The following IZUMO1 variants were observed in gnomAD, a reference collection of about 807,000 sequenced individuals.
The protein encoded by IZUMO1 is izumo sperm-oocyte fusion 1, also known as izumo sperm-egg fusion protein 1.
In IZUMO1, 44 loss-of-function variants were observed where a neutral mutation model predicts 40.7. The ratio of observed to expected loss-of-function variants is 1.08; its 90% CI spans 0.85 to 1.39. The LOEUF is 1.39. IZUMO1 is among the 40% of genes most tolerant of loss of function. The pLI is 0.00. For missense variants in IZUMO1, 368 were observed against 436.9 expected, an observed-to-expected ratio of 0.84 and a Z score of 1.41; for synonymous variants, 149 against 170.9, an observed-to-expected ratio of 0.87 and a Z score of 1.00.
At chr19:48,745,432 A>AGT in intron 2 of IZUMO1, 144 bp from the exon 3 acceptor site, 1 of 1,009,350 alleles carries the variant, frequency 9.9e-7, no homozygotes, top group Non-Finnish European at 1.5e-6. Flanking sequence ...TGGGAGTTGT[A>AGT]GTTTTATTAC....
At chr19:48,743,713 C>A (rs1252556049) in intron 5 of IZUMO1, 188 bp from the exon 6 acceptor site, 1 of 606,714 alleles carries the variant, frequency 1.6e-6, no homozygotes. Context: ...TAAGTAGAGG[C>A]CGGATGCGGT....
rs1237298848 is a variant in IZUMO1, at chr19:48,741,990, TGGG to T, written c.601-51_601-49del. ...ACTGAGGCCTGAGGAATTCAGGGGT[TGGG>T]GGAGTACAGGGGTGAGAAGATCACA... is the stretch of plus-strand genomic sequence containing the variant. On this transcript the variant is annotated intron_variant, in intron 7 of 9. Coordinates refer to ENST00000332955, the MANE Select transcript of IZUMO1 (RefSeq NM_182575.3). The surrounding 1 kb of genome is among the most constrained non-coding windows in gnomAD (Gnocchi z 4.4). 6.4e-7 allele frequency: 1 copy of T among 1,555,498 alleles called. No individual in the cohort carries two copies. Among genetic ancestry groups the T allele is most frequent in the Admixed American group, 1.9e-5 (1 of 53,270 alleles).
intron 1 of IZUMO1, chr19:48,746,191 C>T: frequency 2.6e-6 from 3 of 1,147,684 alleles, no homozygotes; most frequent in Non-Finnish European, 3.2e-6. Context: ...AACTCAGAAC[C>T]TGGAATCTCC....
At position 48,745,874 on chromosome 19, in the gene IZUMO1, A is replaced by C. The variant is rs1490417499; in HGVS notation, c.-15T>G. On this transcript the variant is annotated 5_prime_UTR_variant, in exon 2 of 10. Transcript: ENST00000332955. ...TGCGGCCCCATTGCAGCCGGCGCGC[A>C]CAGTTCCCGAAGACCGTTAGGAAGG... is the stretch of plus-strand genomic sequence containing the variant. The C allele has an allele frequency of 1.9e-6, 3 of 1,613,786 alleles. No individual in the cohort carries two copies. In the African/African-American group the frequency reaches 4.0e-5, roughly 22 times the overall value.
In IZUMO1 at chr19:48,744,155, C is replaced by A; in HGVS notation, c.418+20G>T. 2 of 1,611,866 alleles carry A rather than the reference C, an allele frequency of 1.2e-6. No homozygotes were observed. The highest frequency in any genetic ancestry group is 1.7e-6 in the Non-Finnish European group (2 of 1,178,012). On this transcript the variant is annotated intron_variant, in intron 5 of 9. Transcript: ENST00000332955. Reference sequence around the variant, plus strand: ...ATTCAGAGGGCAGGATGAGGGTTAACTTCTGTAATCCAGACTCACCACATT... The same window carrying A: ...ATTCAGAGGGCAGGATGAGGGTTAAATTCTGTAATCCAGACTCACCACATT...
chr19:48,745,439 T>G (rs985934708), intron 2 of IZUMO1, 151 bp from the exon 3 acceptor site: 49 of 1,004,666 alleles, frequency 4.9e-5, no homozygotes, highest in Non-Finnish European at 7.3e-5. Flanking sequence ...TGTAGTTTTA[T>G]TACATAAAAT....
chr19:48,740,867 C>A lies in IZUMO1; in HGVS notation c.*41G>T. 1.9e-6 allele frequency: 3 copies of A among 1,613,350 alleles called. No homozygotes were observed. Among genetic ancestry groups the A allele is most frequent in the Non-Finnish European group, 2.5e-6 (3 of 1,179,576 alleles). On this transcript the variant is annotated 3_prime_UTR_variant, in exon 10 of 10. Coordinates refer to ENST00000332955, the MANE Select transcript of IZUMO1 (RefSeq NM_182575.3). The surrounding 1 kb of genome is among the most constrained non-coding windows in gnomAD (Gnocchi z 5.5). The stretch of plus-strand genomic sequence containing the variant: ...AACCAAAGGCTAGAATCAGTCCCGT[C>A]CCGGGGAGTGAGTCAGATGCTTAGA...
chr19:48,743,365 T>A, intron 6 of IZUMO1, 80 bp downstream of exon 6: 2 of 1,366,606 alleles, frequency 1.5e-6, no homozygotes, highest in Non-Finnish European at 2.1e-6. Flanking sequence ...CACACCCCCA[T>A]CTAGGCTCTC....
In IZUMO1 at chr19:48,746,842, AAGG is replaced by A; in HGVS notation, c.-484_-482del. The A allele has an allele frequency of 1.0e-6, 1 of 985,260 alleles. No individual in the cohort carries two copies. The highest frequency in any genetic ancestry group is 1.2e-6 in the Non-Finnish European group (1 of 829,874). 61.0% of individuals were successfully genotyped at this position (985,260 alleles called of 1,614,324 possible). Reference sequence around the variant, plus strand: ...GAGTCACGGACGATCCCCTCTCCACAAGGAACTCCTGAAACCACCCCCTCCGAG... The same window carrying A: ...GAGTCACGGACGATCCCCTCTCCACAAACTCCTGAAACCACCCCCTCCGAG... On this transcript the variant is annotated 5_prime_UTR_variant, in exon 1 of 10. Coordinates refer to ENST00000332955, the MANE Select transcript of IZUMO1 (RefSeq NM_182575.3).
rs2033704865 is a variant in IZUMO1, at chr19:48,741,773, G to A, written c.754+16C>T. Reference sequence around the variant, plus strand: ...GGCCCTGAATCCTACACTTCTCTCAGCCCCACAGCACTGACCTGTGACGTG... The same window carrying A: ...GGCCCTGAATCCTACACTTCTCTCAACCCCACAGCACTGACCTGTGACGTG... On this transcript the variant is annotated intron_variant, in intron 8 of 9. Coordinates refer to ENST00000332955, the MANE Select transcript of IZUMO1 (RefSeq NM_182575.3). This position sits in a 1 kb window ranked among gnomAD's most constrained non-coding sequence, Gnocchi z 4.4. 3 of 1,543,670 alleles carry A rather than the reference G, an allele frequency of 1.9e-6. No homozygotes were observed. The highest frequency in any genetic ancestry group is 2.7e-5 in the African/African-American group (2 of 72,740).
chr19:48,745,489 G>C lies in IZUMO1; in HGVS notation c.235+136C>G, dbSNP rs905069869. 14 of 1,155,118 alleles carry C rather than the reference G, an allele frequency of 1.2e-5. No homozygotes were observed. The African/African-American group carries it at 2.0e-4, about 17-fold the overall frequency. 71.6% of individuals were successfully genotyped at this position (1,155,118 alleles called of 1,614,324 possible). A position where few individuals can be genotyped will look rare whatever the true frequency, so the allele number is the denominator to read the frequency against. ...AGGGAAAACGGTATTTACTAGCCTC[G>C]GGGAACCTCGGAATCTGCATCTCAG... is the stretch of plus-strand genomic sequence containing the variant. On this transcript the variant is annotated intron_variant, in intron 2 of 9. Transcript: ENST00000332955.
chr19:48,745,304 T>G lies in IZUMO1; in HGVS notation c.236-16A>C. On this transcript the variant is annotated splice_polypyrimidine_tract_variant and intron_variant, in intron 2 of 9. Transcript: ENST00000332955. ...GTGGCCTCATCTGTCAGAGGAGATA[T>G]AACCCCAGATTCCAGCCTTACTGTC... is the stretch of plus-strand genomic sequence containing the variant. The G allele has an allele frequency of 6.2e-7, 1 of 1,608,156 alleles. No individual in the cohort carries two copies. The highest frequency in any genetic ancestry group is 8.5e-7 in the Non-Finnish European group (1 of 1,174,578).
rs1568486066 is a variant in IZUMO1 at position 48,741,869 on chromosome 19, G to A, written c.674C>T (p.Pro225Leu). The change falls in exon 8 of 10, where the codon CCA (proline) becomes CTA (leucine). Residue 225 changes from proline (P) to leucine (L), a missense_variant. Physicochemically the swap from Pro to Leu is moderately conservative, Grantham distance 98 (BLOSUM62 -3). Transcript: ENST00000332955. The surrounding 1 kb of genome is among the most constrained non-coding windows in gnomAD (Gnocchi z 4.4). The part of the protein sequence containing the change: ...EATLTKPMVG[P>L]EDAGSYRCEL... ...GCAGCGGTAGCTGCCTGCATCCTCT[G>A]GACCCACCATGGGCTTGGTCAGGGT... 1 of 1,612,880 alleles carries A rather than the reference G, an allele frequency of 6.2e-7. No individual in the cohort carries two copies. Among genetic ancestry groups the A allele is most frequent in the African/African-American group, 1.3e-5 (1 of 75,058 alleles).
intron 3 of IZUMO1, among the ~76,000 whole-genome samples, chr19:48,745,011 A>C (rs1336115613): frequency 1.3e-5 from 2 of 152,126 alleles, no homozygotes; most frequent in African/African-American, 2.4e-5. Context: ...ATACACATTT[A>C]AACTGAACAA....
Position 48,743,535 on chromosome 19 carries a change from C to T in IZUMO1, c.419-10G>A. On this transcript the variant is annotated splice_polypyrimidine_tract_variant and intron_variant, in intron 5 of 9. Coordinates refer to ENST00000332955, the MANE Select transcript of IZUMO1 (RefSeq NM_182575.3). ...GTTTGCAACATCACACCTGGAGGGG[C>T]AGGGTCAAGGCTTGTATTTGCCCAC... is the stretch of plus-strand genomic sequence containing the variant. 6.2e-7 allele frequency: 1 copy of T among 1,605,858 alleles called. No individual in the cohort carries two copies. Among genetic ancestry groups the T allele is most frequent in the South Asian group, 1.1e-5 (1 of 90,920 alleles).
chr19:48,741,704 C>T lies in IZUMO1; in HGVS notation c.754+85G>A. ...CCACACCCAACAGGAAGTCACGCCC[C>T]CATCGCCAAGGCCACGCCCCCGCCG... On this transcript the variant is annotated intron_variant, in intron 8 of 9. Transcript: ENST00000332955. This position sits in a 1 kb window ranked among gnomAD's most constrained non-coding sequence, Gnocchi z 4.4. 6.9e-7 allele frequency: 1 copy of T among 1,451,742 alleles called. No individual in the cohort carries two copies. The highest frequency in any genetic ancestry group is 9.2e-7 in the Non-Finnish European group (1 of 1,088,648). The allele number at this position is 1,451,742 out of a possible 1,614,324, so 89.9% of individuals were successfully genotyped here. A position where few individuals can be genotyped will look rare whatever the true frequency, so the allele number is the denominator to read the frequency against.
chr19:48,746,214 C>T, intron 1 of IZUMO1: 3 of 1,085,050 alleles, frequency 2.8e-6, no homozygotes, highest in South Asian at 3.0e-5. Flanking sequence ...ACCCCATGCG[C>T]CCCTTCCCAA....
chr19:48,746,323 A>C, intron 1 of IZUMO1, 112 bp downstream of exon 1: 1 of 1,011,352 alleles, frequency 9.9e-7, no homozygotes. Context: ...CAGCCCCCCA[A>C]AACCTGTTGA....
In IZUMO1 at chr19:48,742,318, G is replaced by C; in HGVS notation, c.500-9C>G. ...AACTTCCACATTCCGCTCTGGGGGT[G>C]GGGGATGACCATGGGACACTCATGA... On this transcript the variant is annotated splice_polypyrimidine_tract_variant and intron_variant, in intron 6 of 9. Transcript: ENST00000332955. 6.3e-7 allele frequency: 1 copy of C among 1,589,250 alleles called. No homozygotes were observed. Among genetic ancestry groups the C allele is most frequent in the South Asian group, 1.1e-5 (1 of 90,586 alleles).
Sources: gnomAD v4.1 joint callset for allele counts (sites outside exome capture counted in the v4.1 genomes callset) on GRCh38, gnomAD v4.1.1 for gene constraint, Gnocchi (gnomAD v3.1) non-coding constraint, MANE v1.5 for transcripts, NCBI Gene and HGNC (gene_info 2026-07-23, HGNC 2026-07-21) for gene names.